The following MYO19 variants were observed in gnomAD, a reference collection of about 807,000 sequenced individuals.
MYO19 encodes the protein unconventional myosin-XIX.
MYO19 carries 132 observed loss-of-function variants against 129.2 expected under a neutral mutation model. The ratio of observed to expected loss-of-function variants is 1.02; its 90% CI spans 0.89 to 1.18. MYO19 has a LOEUF of 1.18. Among genes scored for constraint, MYO19 ranks in the 50% most tolerant of loss-of-function variants. MYO19 has a pLI of 0.00. For missense variants in MYO19, 1,210 were observed against 1,216.7 expected (o/e 0.99, Z 0.08); for synonymous variants, 531 against 477.2 (o/e 1.11, Z -1.47).
At chr17:36,522,779 G>A (rs981883881) in intron 6 of MYO19, among the ~76,000 whole-genome samples, 1 of 152,034 alleles carries the variant, frequency 6.6e-6, no homozygotes, top group East Asian at 1.9e-4. Flanking sequence ...AGGCCGAGGC[G>A]AGTGGATCAC....
In MYO19 at chr17:36,532,609, G is replaced by A; in HGVS notation, c.-71C>T. The A allele has an allele frequency of 6.5e-7, 1 of 1,533,050 alleles. No homozygotes were observed. The highest frequency in any genetic ancestry group is 8.8e-7 in the Non-Finnish European group (1 of 1,130,374). The allele number at this position is 1,533,050 out of a possible 1,614,324, so 95.0% of individuals were successfully genotyped here. On this transcript the variant is annotated 5_prime_UTR_variant, in exon 3 of 26. Transcript: ENST00000614623. ...AAGGAGTACTATCCACCTAGTCATGGGACCATGGGCTGGGGTATGGTTCCA... is the reference window on the plus strand; with the variant it reads ...AAGGAGTACTATCCACCTAGTCATGAGACCATGGGCTGGGGTATGGTTCCA...
rs936320936 is a variant in MYO19, at chr17:36,527,554, G to T, written c.297C>A (p.Pro99=). 2.5e-6 allele frequency: 4 copies of T among 1,613,250 alleles called. No individual in the cohort carries two copies. The African/African-American group carries it at 5.3e-5, about 22-fold the overall frequency. Residue 99 remains proline (P), a synonymous_variant, in exon 5 of 26, where the codon CCC becomes CCA. Coordinates refer to ENST00000614623, the MANE Select transcript of MYO19 (RefSeq NM_001163735.2). The stretch of plus-strand genomic sequence containing the variant: ...ACAGGCAGCGGCAGAGCCTTACCTG[G>T]GGCTGAGGCGCAGCATGGTACTCTC... ...LMREYHAAPQ[P]QKLKPHVFTV... is the part of the protein sequence containing the mutation.
At chr17:36,536,201 A>G (rs1048297786), upstream of MYO19, among the ~76,000 whole-genome samples, 21 of 152,130 alleles carry the variant, frequency 1.4e-4, no homozygotes. Flanking sequence ...ACCTACTTCC[A>G]TCCTAACCTG....
intron 7 of MYO19, 141 bp from the exon 8 acceptor site, chr17:36,515,323 G>T: frequency 1.6e-6 from 1 of 639,928 alleles, no homozygotes; most frequent in Non-Finnish European, 2.6e-6. Flanking sequence ...TGTCATAGGG[G>T]ACAGGACTAG....
At chr17:36,533,803 C>A (rs1038942831) in intron 2 of MYO19, 150 bp downstream of exon 2, 1 of 152,250 alleles carries the variant, frequency 6.6e-6, no homozygotes, top group Non-Finnish European at 1.5e-5. Flanking sequence ...TCCAGAGGGG[C>A]AGCACAACAG....
intron 13 of MYO19, among the ~76,000 whole-genome samples, chr17:36,510,494 T>C (rs2072241796): frequency 2.0e-5 from 3 of 152,184 alleles, no homozygotes; most frequent in Admixed American, 2.0e-4. Flanking sequence ...TCCTGAACTT[T>C]AATAATGAGC....
At chr17:36,538,014 G>A, upstream of MYO19, 1 of 1,614,064 alleles carries the variant, frequency 6.2e-7, no homozygotes, top group East Asian at 2.2e-5. Context: ...CAACCGCGAA[G>A]GAATAATCTC....
At chr17:36,537,478 A>G, upstream of MYO19, 1 of 1,613,392 alleles carries the variant, frequency 6.2e-7, no homozygotes, top group South Asian at 1.1e-5. Flanking sequence ...TCAGAATACA[A>G]TCCAGCCATC....
At chr17:36,534,406 C>T (rs1179331994) in intron 1 of MYO19, among the ~76,000 whole-genome samples, 1 of 152,136 alleles carries the variant, frequency 6.6e-6, no homozygotes, top group Admixed American at 6.5e-5. Flanking sequence ...TGGACGTGAC[C>T]CCAGCCAAGG....
Position 36,496,066 on chromosome 17 carries a change from T to A in MYO19, c.*185A>T. ...GCCCTGACACCATCAGTGCTTGATG[T>A]AGCCTGGAACCCCAGGCCCACTGAC... is the stretch of plus-strand genomic sequence containing the variant. On this transcript the variant is annotated 3_prime_UTR_variant, in exon 26 of 26. Transcript: ENST00000614623. The A allele has an allele frequency of 1.1e-6, 1 of 875,074 alleles. No individual in the cohort carries two copies. The highest frequency in any genetic ancestry group is 1.7e-6 in the Non-Finnish European group (1 of 582,674). The allele number at this position is 875,074 out of a possible 1,614,324, so 54.2% of individuals were successfully genotyped here.
At chr17:36,508,943 G>C (rs931992197) in intron 14 of MYO19, 119 bp downstream of exon 14, 1 of 818,202 alleles carries the variant, frequency 1.2e-6, no homozygotes, top group Non-Finnish European at 2.0e-6. Flanking sequence ...TGCAAGAGGA[G>C]ACAAAAAAGG....
intron 6 of MYO19, among the ~76,000 whole-genome samples, chr17:36,518,997 C>T (rs1374900866): frequency 6.6e-6 from 1 of 152,084 alleles, no homozygotes; most frequent in Non-Finnish European, 1.5e-5. Flanking sequence ...TGTTTTTAGA[C>T]AGAGTCTTGC....
rs758894227 is a variant in MYO19, at chr17:36,516,009, T to C, written c.415-19A>G. On this transcript the variant is annotated intron_variant, in intron 6 of 25. Coordinates refer to ENST00000614623, the MANE Select transcript of MYO19 (RefSeq NM_001163735.2). ...TCCATGTCTGTGGCAGAAACAGCCC[T>C]GTGGGAGCTGTATCTATGCTCCCGC... is the stretch of plus-strand genomic sequence containing the variant. 42 of 1,599,702 alleles carry C rather than the reference T, an allele frequency of 2.6e-5. No individual in the cohort carries two copies. In the Admixed American group the frequency reaches 6.2e-4, roughly 24 times the overall value.
At chr17:36,502,665 A>C (rs1443784013) in intron 21 of MYO19, 2 of 181,452 alleles carry the variant, frequency 1.1e-5, no homozygotes, top group African/African-American at 4.8e-5. Context: ...AGATTCCTTG[A>C]TGGAGCCCTA....
rs2070943541 is a variant in MYO19 at position 36,496,125 on chromosome 17, A to T, written c.*126T>A. ...CACGGGGCTCTGGGTCGAAGGCTGG[A>T]GCCGTCACTGTTGTTCATGTGCATT... On this transcript the variant is annotated 3_prime_UTR_variant, in exon 26 of 26. Transcript: ENST00000614623. 3 of 1,315,586 alleles carry T rather than the reference A, an allele frequency of 2.3e-6. No individual in the cohort carries two copies. The African/African-American group carries it at 4.4e-5, about 19-fold the overall frequency. 81.5% of individuals were successfully genotyped at this position (1,315,586 alleles called of 1,614,324 possible). A position where few individuals can be genotyped will look rare whatever the true frequency, so the allele number is the denominator to read the frequency against.
chr17:36,515,775 C>G, intron 7 of MYO19, 83 bp downstream of exon 7: 1 of 1,489,790 alleles, frequency 6.7e-7, no homozygotes, highest in Non-Finnish European at 9.1e-7. Context: ...GAGAGGGTCT[C>G]AAAGCACTGT....
chr17:36,499,138 C>T lies in MYO19; in HGVS notation c.2400G>A (p.Arg800=), dbSNP rs1469785537. 20 of 1,608,240 alleles carry T rather than the reference C, an allele frequency of 1.2e-5. No individual in the cohort carries two copies. The highest frequency in any genetic ancestry group is 1.6e-4 in the Middle Eastern group (1 of 6,068). Residue 800 remains arginine (R), a synonymous_variant, in exon 24 of 26, where the codon CGG becomes CGA. Coordinates refer to ENST00000614623, the MANE Select transcript of MYO19 (RefSeq NM_001163735.2). Reference sequence around the variant, plus strand: ...CTGCATGCAGCCTCTGGATGTGTTTCCGAGTTAACCAGGAACGAATGGCTA... The same window carrying T: ...CTGCATGCAGCCTCTGGATGTGTTTTCGAGTTAACCAGGAACGAATGGCTA... ...IQAAIRSWLT[R]KHIQRLHAAA...
chr17:36,539,606 C>CA (rs34432307), upstream of MYO19, among the ~76,000 whole-genome samples: 149 of 144,516 alleles, frequency 1.0e-3, no homozygotes, highest in African/African-American at 2.9e-3. Context: ...ACCCTGTCTA[C>CA]AAAAAAAAAA....
chr17:36,536,942 C>T (rs921899572), upstream of MYO19, among the ~76,000 whole-genome samples: 3 of 152,154 alleles, frequency 2.0e-5, no homozygotes, highest in South Asian at 4.1e-4. Context: ...TCCCACAATC[C>T]TTGGAAGGGG....
Sources: gnomAD v4.1 joint callset for allele counts (sites outside exome capture counted in the v4.1 genomes callset) on GRCh38, gnomAD v4.1.1 for gene constraint, MANE v1.5 for transcripts, NCBI Gene and HGNC (gene_info 2026-07-23, HGNC 2026-07-21) for gene names.